The following NDNF variants were observed in gnomAD, a reference collection of about 807,000 sequenced individuals.
NDNF encodes protein NDNF.
Under a neutral mutation model 42.0 loss-of-function variants are expected in NDNF, and 16 were observed. The ratio of observed to expected loss-of-function variants is 0.38; its 90% CI spans 0.26 to 0.58. NDNF has a LOEUF of 0.58. Ranked by LOEUF, NDNF falls within the 20% of genes least tolerant of loss-of-function variation. NDNF has a pLI of 0.67. For synonymous variants in NDNF, 248 were observed against 251.7 expected (o/e 0.99, Z 0.14); for missense variants, 616 against 666.2 (o/e 0.92, Z 0.83).
chr4:121,049,636 G>T (rs986967272), intron 1 of NDNF, among the ~76,000 whole-genome samples: 2 of 152,132 alleles, frequency 1.3e-5, no homozygotes, highest in Non-Finnish European at 2.9e-5. Flanking sequence ...CATAGTCTTT[G>T]ACACTAAGCT....
chr4:121,046,525 G>A (rs961338479), intron 1 of NDNF, among the ~76,000 whole-genome samples: 1 of 152,178 alleles, frequency 6.6e-6, no homozygotes, highest in Non-Finnish European at 1.5e-5. Context: ...AGAATCACAA[G>A]ATGAGTTATT....
In NDNF at chr4:121,037,140, C is replaced by A. The variant is rs143938448; in HGVS notation, c.831G>T (p.Gly277=). Residue 277 remains glycine (G), a synonymous_variant, in exon 4 of 4, where the codon GGG becomes GGT. Transcript: ENST00000379692. ...CCTTGGGCCTGGAGTAGACATGACG[C>A]CCCAGTTTTGGAGAAGGCTTTGCCT... The part of the protein sequence containing the change: ...SFQAKPSPKL[G]RHVYSRPKVD... 6.2e-6 allele frequency: 10 copies of A among 1,613,960 alleles called. No individual in the cohort carries two copies. The highest frequency in any genetic ancestry group is 1.1e-5 in the South Asian group (1 of 91,066).
At chr4:121,055,900 A>T (rs1014051329) in intron 1 of NDNF, among the ~76,000 whole-genome samples, 34 of 152,198 alleles carry the variant, frequency 2.2e-4, no homozygotes, top group African/African-American at 8.0e-4. Context: ...CCATTTGTTG[A>T]AAGTACCCAG....
chr4:121,047,701 T>TTTC (rs1364835207), intron 1 of NDNF, among the ~76,000 whole-genome samples: 1 of 152,216 alleles, frequency 6.6e-6, no homozygotes, highest in Non-Finnish European at 1.5e-5. Context: ...ACCTCAGTTT[T>TTTC]TTGAAGAGTT....
intron 2 of NDNF, among the ~76,000 whole-genome samples, chr4:121,044,681 T>A (rs144086575): frequency 9.5e-4 from 145 of 152,274 alleles, no homozygotes; most frequent in Non-Finnish European, 1.6e-3. Flanking sequence ...TAAAACATAA[T>A]GCATTAAGTG....
chr4:121,063,316 A>C (rs943331374), intron 1 of NDNF, among the ~76,000 whole-genome samples: 26 of 152,286 alleles, frequency 1.7e-4, no homozygotes, highest in African/African-American at 6.3e-4. Flanking sequence ...TAAACTTTTG[A>C]GTTATTTTTC....
chr4:121,049,807 G>A (rs1431612938), intron 1 of NDNF, among the ~76,000 whole-genome samples: 2 of 152,058 alleles, frequency 1.3e-5, no homozygotes, highest in African/African-American at 4.8e-5. Context: ...CACATTTTTT[G>A]TTTCTGAAAC....
At chr4:121,056,438 C>T (rs1336932820) in intron 1 of NDNF, among the ~76,000 whole-genome samples, 1 of 152,212 alleles carries the variant, frequency 6.6e-6, no homozygotes, top group Non-Finnish European at 1.5e-5. Flanking sequence ...TTGCAATACA[C>T]ATGTTAAATG....
At chr4:121,055,520 C>T (rs1240391637) in intron 1 of NDNF, among the ~76,000 whole-genome samples, 1 of 151,150 alleles carries the variant, frequency 6.6e-6, no homozygotes, top group Non-Finnish European at 1.5e-5. Flanking sequence ...ATTAGTTAAG[C>T]AGAATTTTCA....
intron 1 of NDNF, among the ~76,000 whole-genome samples, chr4:121,062,168 T>C (rs1055629627): frequency 2.0e-5 from 3 of 152,222 alleles, no homozygotes; most frequent in African/African-American, 7.2e-5. Flanking sequence ...TAGGACCTTA[T>C]TCAATTAGAG....
chr4:121,053,312 A>G (rs529169015), intron 1 of NDNF, among the ~76,000 whole-genome samples: 1 of 152,328 alleles, frequency 6.6e-6, no homozygotes, highest in South Asian at 2.1e-4. Flanking sequence ...CCATTCTGTC[A>G]TGCGCTCCCT....
At chr4:121,067,399 T>G (rs753041515) in intron 1 of NDNF, among the ~76,000 whole-genome samples, 1 of 152,166 alleles carries the variant, frequency 6.6e-6, no homozygotes, top group African/African-American at 2.4e-5. Flanking sequence ...TTCAAATTTG[T>G]TACAGAAAAA....
chr4:121,043,613 T>C (rs150822000), intron 2 of NDNF, among the ~76,000 whole-genome samples: 153 of 152,122 alleles, frequency 1.0e-3, no homozygotes, highest in African/African-American at 3.7e-3. Flanking sequence ...ACTTTAAAAG[T>C]GTAATTTCTA....
Position 121,036,895 on chromosome 4 carries a change from C to T in NDNF, c.1076G>A (p.Gly359Glu), listed in dbSNP as rs775847008. 1.9e-6 allele frequency: 3 copies of T among 1,613,940 alleles called. No individual in the cohort carries two copies. The highest frequency in any genetic ancestry group is 2.2e-5 in the South Asian group (2 of 91,070). The change falls in exon 4 of 4, where the codon GGA becomes GAA. Residue 359 changes from glycine to glutamate, a missense_variant. Coordinates refer to ENST00000379692, the MANE Select transcript of NDNF (RefSeq NM_024574.4). ...TGGAGCAAACCGTAGAAACTTTGCT[C>T]CCTTCCTTTTAACAAATACATCTGT... ...KITDVFVKRK[G>E]AKFLRFAPVS...
At chr4:121,063,104 T>C (rs1360344656) in intron 1 of NDNF, among the ~76,000 whole-genome samples, 1 of 152,166 alleles carries the variant, frequency 6.6e-6, no homozygotes, top group Non-Finnish European at 1.5e-5. Flanking sequence ...AAAATAATTT[T>C]AAAAATCTTA....
intron 2 of NDNF, among the ~76,000 whole-genome samples, chr4:121,041,989 G>A (rs2175397): frequency 0.48 from 72,701 of 151,942 alleles, 20,459 homozygotes; most frequent in East Asian, 0.63. Context: ...CTCACATTTA[G>A]AGTCATTTCT....
Position 121,037,646 on chromosome 4 carries a change from G to T in NDNF, c.325C>A (p.Pro109Thr). The change falls in exon 4 of 4, where the codon CCT becomes ACT. Residue 109 changes from proline (P) to threonine (T), a missense_variant. Transcript: ENST00000379692. ...ATCTGCTGCTTCTGCTGCTCAAGAG[G>T]TTCCAGATCACCTAGAAAATACAGG... ...RSGEGSGDLEPLEQQKQQIIN... is the reference protein window; with the variant it reads ...RSGEGSGDLETLEQQKQQIIN... The T allele has an allele frequency of 1.3e-6, 2 of 1,575,678 alleles. No homozygotes were observed. Among genetic ancestry groups the T allele is most frequent in the Non-Finnish European group, 1.7e-6 (2 of 1,166,584 alleles).
At chr4:121,053,691 A>G (rs557844718) in intron 1 of NDNF, among the ~76,000 whole-genome samples, 1 of 152,330 alleles carries the variant, frequency 6.6e-6, no homozygotes, top group African/African-American at 2.4e-5. Context: ...TCCTATCAAA[A>G]TGTCCTCTAT....
At chr4:121,053,196 C>T (rs1210227222) in intron 1 of NDNF, among the ~76,000 whole-genome samples, 1 of 152,204 alleles carries the variant, frequency 6.6e-6, no homozygotes, top group Non-Finnish European at 1.5e-5. Flanking sequence ...TCCAACCTCC[C>T]TTAGCACTTC....
Sources: allele counts gnomAD v4.1 joint callset (sites outside exome capture counted in the v4.1 genomes callset), GRCh38; gene constraint gnomAD v4.1.1; transcripts MANE v1.5; gene names NCBI Gene and HGNC (gene_info 2026-07-23, HGNC 2026-07-21).